HLCS: variants seen among roughly 807,000 people sequenced by gnomAD.
HLCS encodes the protein biotin--protein ligase.
In HLCS, 53 loss-of-function variants were observed where a neutral mutation model predicts 75.0. The observed-to-expected ratio is 0.71, with a 90% CI of 0.57 to 0.89. The LOEUF is 0.89. Ranked by LOEUF, HLCS falls within the 40% of genes least tolerant of loss-of-function variation. The pLI is 0.00. For synonymous variants in HLCS, 431 were observed against 428.6 expected, an observed-to-expected ratio of 1.01 and a Z score of -0.07; for missense variants, 966 against 1,074.0, an observed-to-expected ratio of 0.90 and a Z score of 1.41.
rs1044604368 is a variant in HLCS, at chr21:36,936,861, T to C, written c.1025A>G (p.Tyr342Cys). Residue 342 changes from tyrosine to cysteine, a missense_variant, in exon 4 of 11, where the codon TAT (tyrosine) becomes TGT (cysteine). Transcript: ENST00000674895. ...GTCCTCCAGCAGGTGGTAGAGAATATAACTGTCAATGTCCACACAGTCGGC... is the reference window on the plus strand; with the variant it reads ...GTCCTCCAGCAGGTGGTAGAGAATACAACTGTCAATGTCCACACAGTCGGC... ...VLADCVDIDS[Y>C]ILYHLLEDSA... 1.9e-6 allele frequency: 3 copies of C among 1,613,974 alleles called. No individual in the cohort carries two copies. Among genetic ancestry groups the C allele is most frequent in the Non-Finnish European group, 2.5e-6 (3 of 1,180,038 alleles).
At chr21:36,825,940 C>T (rs2061994017) in intron 6 of HLCS, among the ~76,000 whole-genome samples, 2 of 152,154 alleles carry the variant, frequency 1.3e-5, no homozygotes, top group African/African-American at 4.8e-5. Flanking sequence ...AAGGGCGGGA[C>T]ACTCTCTCCC....
intron 6 of HLCS, among the ~76,000 whole-genome samples, chr21:36,866,408 A>C (rs1043124000): frequency 2.6e-5 from 4 of 152,236 alleles, no homozygotes; most frequent in African/African-American, 9.6e-5. Context: ...CGGTCATTAC[A>C]CTTTATGTGA....
At chr21:36,869,416 G>GCCA (rs1455208933) in intron 6 of HLCS, among the ~76,000 whole-genome samples, 4 of 152,166 alleles carry the variant, frequency 2.6e-5, no homozygotes, top group Admixed American at 6.5e-5. Context: ...ACAGGCGTGA[G>GCCA]CCACCGTGCC....
intron 6 of HLCS, among the ~76,000 whole-genome samples, chr21:36,818,263 G>A (rs932513302): frequency 2.6e-5 from 4 of 152,204 alleles, no homozygotes; most frequent in African/African-American, 9.6e-5. Flanking sequence ...CATGGCTAAT[G>A]CATTCCTCTA....
chr21:36,874,404 A>AAAAATAAAAT (rs201422824), intron 6 of HLCS, among the ~76,000 whole-genome samples: 1 of 121,870 alleles, frequency 8.2e-6, no homozygotes, highest in Non-Finnish European at 1.6e-5. Flanking sequence ...TCCGTCTCAA[A>AAAAATAAAAT]AAAATAAAAT....
At chr21:36,768,660 C>A (rs1428313946) in intron 6 of HLCS, among the ~76,000 whole-genome samples, 1 of 152,240 alleles carries the variant, frequency 6.6e-6, no homozygotes, top group East Asian at 1.9e-4. Context: ...AGGCACAGGA[C>A]GCTTTCGGCG....
chr21:36,767,245 T>C lies in HLCS; in HGVS notation c.1933A>G (p.Ile645Val). The change falls in exon 7 of 11, where the codon ATC (isoleucine) becomes GTC (valine). Residue 645 changes from isoleucine (I) to valine (V), a missense_variant. By Grantham distance (29) the Ile-to-Val change is conservative. Transcript: ENST00000674895. ...QTPQEMGLIV[I>V]AARQTEGKGR... is the part of the protein sequence containing the mutation. The stretch of plus-strand genomic sequence containing the variant: ...TTGCCCTCGGTCTGCCGGGCCGCGA[T>C]CACTATTAAGCCCATTTCCTGCGGT... 1 of 1,614,158 alleles carries C rather than the reference T, an allele frequency of 6.2e-7. No individual in the cohort carries two copies. The highest frequency in any genetic ancestry group is 8.5e-7 in the Non-Finnish European group (1 of 1,180,036).
At chr21:36,956,470 T>G (rs1477976852) in intron 2 of HLCS, among the ~76,000 whole-genome samples, 1 of 152,214 alleles carries the variant, frequency 6.6e-6, no homozygotes, top group Non-Finnish European at 1.5e-5. Flanking sequence ...GGCTCACACT[T>G]GTAATCCCAG....
At chr21:36,773,494 C>T (rs578148688) in intron 6 of HLCS, among the ~76,000 whole-genome samples, 1 of 152,372 alleles carries the variant, frequency 6.6e-6, no homozygotes, top group Non-Finnish European at 1.5e-5. Flanking sequence ...GCATCGTGCC[C>T]TGCAGCAGTC....
chr21:36,819,512 A>G (rs909771143), intron 6 of HLCS, among the ~76,000 whole-genome samples: 5 of 152,242 alleles, frequency 3.3e-5, no homozygotes, highest in Non-Finnish European at 5.9e-5. Flanking sequence ...ATCCTACTAT[A>G]AACAGTGTTA....
At chr21:36,978,436 G>A (rs1226053834) in intron 1 of HLCS, among the ~76,000 whole-genome samples, 1 of 151,978 alleles carries the variant, frequency 6.6e-6, no homozygotes, top group African/African-American at 2.4e-5. Context: ...AGAGGTTGCA[G>A]TGAGCCAAGA....
At chr21:36,942,935 A>G (rs1170512092) in intron 2 of HLCS, among the ~76,000 whole-genome samples, 1 of 152,132 alleles carries the variant, frequency 6.6e-6, no homozygotes, top group African/African-American at 2.4e-5. Context: ...ATCTTAAAAA[A>G]AAAAAGAAAG....
At chr21:36,873,862 A>G (rs1375909582) in intron 6 of HLCS, among the ~76,000 whole-genome samples, 1 of 152,216 alleles carries the variant, frequency 6.6e-6, no homozygotes, top group Non-Finnish European at 1.5e-5. Context: ...TGACCTCTCA[A>G]AATGCTGAGA....
At chr21:36,815,027 C>CT (rs1195265718) in intron 6 of HLCS, among the ~76,000 whole-genome samples, 1,783 of 129,128 alleles carry the variant, frequency 0.014, 44 homozygotes, top group African/African-American at 0.042. Context: ...TGAAGCTTTG[C>CT]TTTTTTTTTT....
At chr21:36,925,498 G>A (rs926425930) in intron 5 of HLCS, among the ~76,000 whole-genome samples, 3 of 152,178 alleles carry the variant, frequency 2.0e-5, no homozygotes, top group African/African-American at 7.2e-5. Flanking sequence ...TAAAGGTGCC[G>A]ACCTTCCTGG....
intron 6 of HLCS, among the ~76,000 whole-genome samples, chr21:36,782,608 G>T (rs1293990165): frequency 6.6e-6 from 1 of 152,040 alleles, no homozygotes; most frequent in Non-Finnish European, 1.5e-5. Flanking sequence ...GTGTAGAGGA[G>T]AATAGGGAGC....
chr21:36,795,294 T>C (rs375343360), intron 6 of HLCS, among the ~76,000 whole-genome samples: 9 of 152,310 alleles, frequency 5.9e-5, no homozygotes, highest in South Asian at 2.1e-4. Context: ...CGAGGACACA[T>C]TGACGGTGCT....
intron 8 of HLCS, among the ~76,000 whole-genome samples, chr21:36,763,493 G>C (rs1450218067): frequency 6.6e-6 from 1 of 152,204 alleles, no homozygotes; most frequent in African/African-American, 2.4e-5. Flanking sequence ...AGAGACGTCA[G>C]CATTAACTAC....
At chr21:36,968,204 G>T (rs1042823359), upstream of HLCS, among the ~76,000 whole-genome samples, 4 of 152,018 alleles carry the variant, frequency 2.6e-5, no homozygotes, top group African/African-American at 9.7e-5. Context: ...GCCCAGGCTG[G>T]TCTCAAACTC....
Sources: gnomAD v4.1 joint callset for allele counts (sites outside exome capture counted in the v4.1 genomes callset) on GRCh38, gnomAD v4.1.1 for gene constraint, MANE v1.5 for transcripts, NCBI Gene and HGNC (gene_info 2026-07-23, HGNC 2026-07-21) for gene names.